FAF1: variants seen among roughly 807,000 people sequenced by gnomAD.
FAF1 encodes FAS-associated factor 1.
In FAF1, 25 loss-of-function variants were observed where a neutral mutation model predicts 92.5. The observed-to-expected ratio is 0.27, with a 90% CI of 0.20 to 0.38. The LOEUF (loss-of-function observed/expected upper bound fraction) is 0.38. Among genes scored for constraint, FAF1 ranks in the 10% least tolerant of loss-of-function variants. The pLI is 1.00. For missense variants in FAF1, 636 were observed against 793.3 expected (o/e 0.80, Z 2.38); for synonymous variants, 234 against 273.2 (o/e 0.86, Z 1.42).
In FAF1 at chr1:50,812,836, G is replaced by C. The variant is rs2124607727; in HGVS notation, c.115-11159C>G. On this transcript the variant is annotated intron_variant, in intron 2 of 18. Coordinates refer to ENST00000396153, the MANE Select transcript of FAF1 (RefSeq NM_007051.3). ...GGAATCAACCTAAATGCTCATCAAG[G>C]GTGGACTGGAAAAGAAAATATGGTA... Among the ~76,000 whole-genome samples, 2 of 152,178 alleles carry C rather than the reference G, an allele frequency of 1.3e-5. 1 individual carries two copies. The highest frequency in any genetic ancestry group is 6.8e-3 in the Middle Eastern group (2 of 294).
intron 15 of FAF1, among the ~76,000 whole-genome samples, chr1:50,492,347 C>T (rs1646849658): frequency 6.6e-6 from 1 of 152,132 alleles, no homozygotes; most frequent in South Asian, 2.1e-4. Flanking sequence ...CCACACCACA[C>T]CACACCACTA....
chr1:50,468,862 T>C (rs1646534275), intron 18 of FAF1, among the ~76,000 whole-genome samples: 1 of 152,012 alleles, frequency 6.6e-6, no homozygotes, highest in South Asian at 2.1e-4. Context: ...TTCCAAAGTG[T>C]TGGGATTACA....
At chr1:50,471,729 C>T (rs1646575071) in intron 18 of FAF1, among the ~76,000 whole-genome samples, 1 of 152,090 alleles carries the variant, frequency 6.6e-6, no homozygotes, top group African/African-American at 2.4e-5. Flanking sequence ...TCTTAGAGTT[C>T]ATCTGCCATT....
chr1:50,603,542 C>T (rs1652244888), intron 8 of FAF1, among the ~76,000 whole-genome samples: 2 of 152,214 alleles, frequency 1.3e-5, no homozygotes, highest in Non-Finnish European at 2.9e-5. Context: ...CGAACTGAGT[C>T]ATGAGGCTAA....
chr1:50,449,278 T>C (rs1646265005), intron 18 of FAF1, among the ~76,000 whole-genome samples: 1 of 152,144 alleles, frequency 6.6e-6, no homozygotes, highest in African/African-American at 2.4e-5. Context: ...TAGGGGGACA[T>C]TTCTTATGCA....
chr1:50,873,664 G>C (rs139572772), intron 1 of FAF1, among the ~76,000 whole-genome samples: 4 of 152,250 alleles, frequency 2.6e-5, no homozygotes, highest in African/African-American at 9.6e-5. Context: ...CTTTTCTAGG[G>C]ATTTCTGAAA....
At chr1:50,569,755 T>A (rs958126590) in intron 12 of FAF1, among the ~76,000 whole-genome samples, 21 of 152,126 alleles carry the variant, frequency 1.4e-4, no homozygotes, top group African/African-American at 5.1e-4. Flanking sequence ...GATTAGTGAT[T>A]TACATTGCTA....
At chr1:50,766,595 G>A (rs1660579400) in intron 4 of FAF1, among the ~76,000 whole-genome samples, 2 of 151,842 alleles carry the variant, frequency 1.3e-5, no homozygotes, top group African/African-American at 4.8e-5. Flanking sequence ...GTGGATGAAG[G>A]GAGGACAAAG....
chr1:50,630,684 C>T (rs553262676), intron 8 of FAF1, among the ~76,000 whole-genome samples: 5 of 152,054 alleles, frequency 3.3e-5, no homozygotes, highest in Non-Finnish European at 5.9e-5. Flanking sequence ...GGGAAAGTCC[C>T]TTTAAATGGA....
chr1:50,542,438 A>T (rs1279717122), intron 13 of FAF1, among the ~76,000 whole-genome samples: 1 of 152,244 alleles, frequency 6.6e-6, no homozygotes, highest in Non-Finnish European at 1.5e-5. Context: ...GCAGCAAAAA[A>T]TTCAGTTCAA....
intron 2 of FAF1, among the ~76,000 whole-genome samples, chr1:50,836,139 TTGTG>T (rs1327463865): frequency 6.6e-6 from 1 of 151,694 alleles, no homozygotes; most frequent in African/African-American, 2.4e-5. Context: ...TTTGGGGATT[TTGTG>T]TGTGTGTGTT....
intron 8 of FAF1, among the ~76,000 whole-genome samples, chr1:50,619,080 C>A (rs1226806479): frequency 6.6e-6 from 1 of 152,124 alleles, no homozygotes; most frequent in Non-Finnish European, 1.5e-5. Context: ...TGTTTTATTT[C>A]TGCGTGGTAG....
chr1:50,736,265 A>G (rs1404036241), intron 6 of FAF1, among the ~76,000 whole-genome samples: 1 of 152,226 alleles, frequency 6.6e-6, no homozygotes, highest in Non-Finnish European at 1.5e-5. Context: ...TTTTTAGATT[A>G]TAAATTAGGT....
intron 8 of FAF1, among the ~76,000 whole-genome samples, chr1:50,604,023 C>T (rs980995330): frequency 1.5e-4 from 23 of 152,196 alleles, no homozygotes; most frequent in Non-Finnish European, 3.1e-4. Context: ...TACAAGTTCT[C>T]AGGCTTTTTG....
chr1:50,912,800 A>G (rs1156940197), intron 1 of FAF1, among the ~76,000 whole-genome samples: 1 of 152,204 alleles, frequency 6.6e-6, no homozygotes, highest in African/African-American at 2.4e-5. Flanking sequence ...TCAATTGCTT[A>G]CCCATTCTCA....
rs989614914 is a variant in FAF1 at position 50,499,412 on chromosome 1, G to C, written c.1495-7611C>G. On this transcript the variant is annotated intron_variant, in intron 15 of 18. Transcript: ENST00000396153. The stretch of plus-strand genomic sequence containing the variant: ...TAGATGCCCTCTTTATCAGGCTAAG[G>C]ACATTTTACTCGATTCCTATTTTAC... Among the ~76,000 whole-genome samples, 7 of 148,952 alleles carry C rather than the reference G, an allele frequency of 4.7e-5. No individual in the cohort carries two copies. The Admixed American group carries it at 4.7e-4, about 10-fold the overall frequency.
intron 15 of FAF1, among the ~76,000 whole-genome samples, chr1:50,500,962 T>C (rs1188266050): frequency 6.6e-6 from 1 of 152,164 alleles, no homozygotes; most frequent in Non-Finnish European, 1.5e-5. Context: ...TAGTAAGAAA[T>C]ATTTTTGAAT....
intron 1 of FAF1, among the ~76,000 whole-genome samples, chr1:50,937,652 ATTAGT>A (rs1464791146): frequency 1.1e-4 from 17 of 152,320 alleles, no homozygotes; most frequent in Non-Finnish European, 1.3e-4. Flanking sequence ...ATCTAATATT[ATTAGT>A]TTAAAGTACT....
In FAF1 at chr1:50,729,002, T is replaced by TTATCTATCTATC. The variant is rs763620552; in HGVS notation, c.551+9849_551+9860dup. ...AGGCTGAGAGAAGCCAAAGAAAACT[T>TTATCTATCTATC]TATCTATCTATCTATCTATCTATCT... On this transcript the variant is annotated intron_variant, in intron 6 of 18. Coordinates refer to ENST00000396153, the MANE Select transcript of FAF1 (RefSeq NM_007051.3). Among the ~76,000 whole-genome samples, 21 of 114,930 alleles carry TTATCTATCTATC rather than the reference T, an allele frequency of 1.8e-4. 1 individual carries two copies. Among genetic ancestry groups the TTATCTATCTATC allele is most frequent in the African/African-American group, 4.5e-4 (13 of 28,794 alleles). 75.4% of individuals were successfully genotyped at this position (114,930 alleles called of 152,430 possible).
Sources: gnomAD v4.1 joint callset for allele counts (sites outside exome capture counted in the v4.1 genomes callset) on GRCh38, gnomAD v4.1.1 for gene constraint, MANE v1.5 for transcripts, NCBI Gene and HGNC (gene_info 2026-07-23, HGNC 2026-07-21) for gene names.